The following CNGB3 variants were observed in gnomAD, a reference collection of about 807,000 sequenced individuals.
CNGB3 encodes cyclic nucleotide-gated channel beta-3.
Under a neutral mutation model 92.8 loss-of-function variants are expected in CNGB3, and 86 were observed. The ratio of observed to expected loss-of-function variants is 0.93; its 90% CI spans 0.78 to 1.11. The LOEUF (loss-of-function observed/expected upper bound fraction) is 1.11. CNGB3 is among the 50% of genes least tolerant of loss of function. The pLI is 0.00. For synonymous variants in CNGB3, 333 were observed against 332.7 expected (o/e 1.00, Z -0.01); for missense variants, 1,026 against 956.8 (o/e 1.07, Z -0.95).
In CNGB3 at chr8:86,611,768, T is replaced by C. The variant is rs549945596; in HGVS notation, c.1579-97A>G. ...TGAAAATAAACAGTAATATATATTG[T>C]CTGCATTAGCATAAAAATATTAACT... On this transcript the variant is annotated intron_variant, in intron 13 of 17. Transcript: ENST00000320005. The C allele has an allele frequency of 8.9e-6, 8 of 901,782 alleles. No individual in the cohort carries two copies. In the South Asian group the frequency reaches 1.2e-4, roughly 13 times the overall value. 55.9% of individuals were successfully genotyped at this position (901,782 alleles called of 1,614,324 possible). A position where few individuals can be genotyped will look rare whatever the true frequency, so the allele number is the denominator to read the frequency against.
chr8:86,653,125 T>G (rs1823438274), intron 7 of CNGB3, among the ~76,000 whole-genome samples: 1 of 152,096 alleles, frequency 6.6e-6, no homozygotes, highest in African/African-American at 2.4e-5. Flanking sequence ...TGTCATTGAC[T>G]GAAATGCCAT....
chr8:86,601,916 A>G (rs1007618934), intron 15 of CNGB3, among the ~76,000 whole-genome samples: 1 of 152,214 alleles, frequency 6.6e-6, no homozygotes, highest in African/African-American at 2.4e-5. Flanking sequence ...TTTATTTGAG[A>G]AGCTGCTGTC....
intron 14 of CNGB3, among the ~76,000 whole-genome samples, chr8:86,609,757 C>T (rs1034929904): frequency 6.6e-6 from 1 of 152,210 alleles, no homozygotes; most frequent in Non-Finnish European, 1.5e-5. Flanking sequence ...CACTCACTTG[C>T]TTCCGTTCCT....
intron 12 of CNGB3, among the ~76,000 whole-genome samples, chr8:86,628,475 G>A (rs996590471): frequency 2.0e-5 from 3 of 152,164 alleles, no homozygotes; most frequent in Non-Finnish European, 4.4e-5. Flanking sequence ...TTCTGGGTAA[G>A]AGAGTGATAT....
intron 15 of CNGB3, among the ~76,000 whole-genome samples, chr8:86,592,112 G>A (rs545803387): frequency 5.9e-5 from 9 of 152,292 alleles, no homozygotes; most frequent in South Asian, 2.1e-4. Flanking sequence ...TCCAGGTGCC[G>A]TCCGTCACCC....
At chr8:86,660,715 T>TC (rs1360094068) in intron 6 of CNGB3, 2 of 528,080 alleles carry the variant, frequency 3.8e-6, no homozygotes, top group African/African-American at 1.9e-5. Flanking sequence ...TACACAGTGC[T>TC]CCCCCATCCA....
chr8:86,678,332 TG>T (rs1295976473), intron 3 of CNGB3, among the ~76,000 whole-genome samples: 1 of 152,198 alleles, frequency 6.6e-6, no homozygotes, highest in Non-Finnish European at 1.5e-5. Context: ...TAGGCAAATT[TG>T]GGAAAGTATA....
intron 3 of CNGB3, among the ~76,000 whole-genome samples, chr8:86,702,798 ATC>A (rs770828115): frequency 4.6e-4 from 70 of 151,844 alleles, no homozygotes; most frequent in Non-Finnish European, 8.4e-4. Context: ...TTTAAAAAAA[ATC>A]TCTGTGTAAG....
At chr8:86,725,937 C>A (rs1357426872) in intron 3 of CNGB3, among the ~76,000 whole-genome samples, 1 of 152,076 alleles carries the variant, frequency 6.6e-6, no homozygotes, top group Non-Finnish European at 1.5e-5. Context: ...GAAGGACCTC[C>A]TTGTTGGGAT....
At chr8:86,727,289 T>G (rs1478413779) in intron 2 of CNGB3, among the ~76,000 whole-genome samples, 1 of 152,198 alleles carries the variant, frequency 6.6e-6, no homozygotes, top group Admixed American at 6.5e-5. Context: ...AATTTATTAT[T>G]CAGAAGGCAT....
rs185093675 is a variant in CNGB3, at chr8:86,599,644, G to A, written c.1781+4449C>T. ...TTGGGGGCGGCTGTCTTTTACGGTC[G>A]CAGCTGTAGGGTTGAAATAAGCCCC... On this transcript the variant is annotated intron_variant, in intron 15 of 17. Coordinates refer to ENST00000320005, the MANE Select transcript of CNGB3 (RefSeq NM_019098.5). Among the ~76,000 whole-genome samples the A allele has an allele frequency of 1.1e-3, 161 of 152,212 alleles. 2 individuals are homozygous for A. The highest frequency in any genetic ancestry group is 3.6e-3 in the African/African-American group (150 of 41,514).
At chr8:86,614,324 C>T (rs549036253) in intron 13 of CNGB3, among the ~76,000 whole-genome samples, 1 of 152,240 alleles carries the variant, frequency 6.6e-6, no homozygotes, top group South Asian at 2.1e-4. Context: ...ACAGTAACTA[C>T]CTGTCAGTCA....
intron 3 of CNGB3, among the ~76,000 whole-genome samples, chr8:86,671,305 T>C (rs1468736877): frequency 1.3e-5 from 2 of 152,212 alleles, no homozygotes; most frequent in African/African-American, 4.8e-5. Context: ...AATCCTCAAA[T>C]AGCAAGTGGT....
At chr8:86,704,964 A>G (rs1824626074) in intron 3 of CNGB3, among the ~76,000 whole-genome samples, 1 of 152,160 alleles carries the variant, frequency 6.6e-6, no homozygotes, top group African/African-American at 2.4e-5. Context: ...CCAGCAACCC[A>G]CGAACTAGAA....
At chr8:86,721,172 G>A (rs377185333) in intron 3 of CNGB3, among the ~76,000 whole-genome samples, 6 of 151,912 alleles carry the variant, frequency 3.9e-5, no homozygotes, top group African/African-American at 1.5e-4. Context: ...CACCATGTTG[G>A]CCAGGTTGGT....
intron 2 of CNGB3, among the ~76,000 whole-genome samples, chr8:86,737,139 G>A (rs1374571923): frequency 6.6e-6 from 1 of 152,174 alleles, no homozygotes; most frequent in Non-Finnish European, 1.5e-5. Context: ...GTAAGAACAA[G>A]TATCCTCTAC....
intron 14 of CNGB3, among the ~76,000 whole-genome samples, chr8:86,606,408 C>T (rs1453026310): frequency 1.3e-5 from 2 of 151,960 alleles, no homozygotes; most frequent in African/African-American, 4.8e-5. Flanking sequence ...ACCTTGGCCT[C>T]CCAAAGTGTT....
chr8:86,598,762 G>A (rs562520566), intron 15 of CNGB3, among the ~76,000 whole-genome samples: 2 of 152,190 alleles, frequency 1.3e-5, no homozygotes, highest in South Asian at 2.1e-4. Context: ...CTTATAAAAA[G>A]TGTCCTTAGG....
chr8:86,688,950 C>T (rs1824244391), intron 3 of CNGB3, among the ~76,000 whole-genome samples: 1 of 151,422 alleles, frequency 6.6e-6, no homozygotes, highest in Admixed American at 6.6e-5. Flanking sequence ...CCTCTTAGTA[C>T]TGATTTCACC....
Sources: gnomAD v4.1 joint callset for allele counts (sites outside exome capture counted in the v4.1 genomes callset) on GRCh38, gnomAD v4.1.1 for gene constraint, MANE v1.5 for transcripts, NCBI Gene and HGNC (gene_info 2026-07-23, HGNC 2026-07-21) for gene names.